KARS1: variants seen among roughly 807,000 people sequenced by gnomAD.
KARS1 encodes the protein lysine--tRNA ligase.
A neutral mutation model predicts 63.9 loss-of-function variants in KARS1; 50 were observed. The observed-to-expected ratio is 0.78, with a 90% confidence interval of 0.62 to 0.99. The LOEUF (loss-of-function observed/expected upper bound fraction) is 0.99, where lower values mean the gene tolerates loss of function less well. Ranked by LOEUF, KARS1 falls within the 50% of genes least tolerant of loss-of-function variation. The probability of loss-of-function intolerance (pLI) is 0.00; values close to 1 mark genes in which losing one functional copy is unlikely to be tolerated. For missense variants in KARS1, 816 were observed against 754.5 expected, an observed-to-expected ratio of 1.08 and a Z score of -0.95; for synonymous variants, 320 against 264.6, an observed-to-expected ratio of 1.21 and a Z score of -2.03.
chr16:75,634,018 G>C (rs940061566), intron 7 of KARS1, 155 bp downstream of exon 7: 2 of 805,828 alleles, frequency 2.5e-6, no homozygotes, highest in East Asian at 2.6e-5. Flanking sequence ...AGAAATTCTG[G>C]AAGTGTTACT....
chr16:75,641,325 A>C (rs1416746896), intron 2 of KARS1, among the ~76,000 whole-genome samples: 1 of 152,136 alleles, frequency 6.6e-6, no homozygotes, highest in Non-Finnish European at 1.5e-5. Flanking sequence ...AGGTCAAGCT[A>C]ATTCCAAGGA....
At position 75,641,718 on chromosome 16, in the gene KARS1, AGCTCACT is replaced by A; in HGVS notation, c.63-2_67del. On this transcript the variant is annotated splice_acceptor_variant and coding_sequence_variant, in exon 2 of 14. Coordinates refer to ENST00000302445, the MANE Select transcript of KARS1 (RefSeq NM_005548.3). LOFTEE classifies it high-confidence loss of function. ...CTTCTCAGCTTTCAGGCGTCTCTTCAGCTCACTGTTGGAAAGATGAAAGCGTTCAATG... is the reference window on the plus strand; with the variant it reads ...CTTCTCAGCTTTCAGGCGTCTCTTCAGTTGGAAAGATGAAAGCGTTCAATG... 1 of 1,613,754 alleles carries A rather than the reference AGCTCACT, an allele frequency of 6.2e-7. No homozygotes were observed. The highest frequency in any genetic ancestry group is 8.5e-7 in the Non-Finnish European group (1 of 1,180,016).
At chr16:75,644,100 C>G (rs1349651794) in intron 1 of KARS1, among the ~76,000 whole-genome samples, 1 of 152,204 alleles carries the variant, frequency 6.6e-6, no homozygotes, top group African/African-American at 2.4e-5. Flanking sequence ...TCTCAAGACT[C>G]TAAGGAGAGA....
intron 3 of KARS1, among the ~76,000 whole-genome samples, chr16:75,636,943 A>ATT (rs869266336): frequency 8.6e-6 from 1 of 116,060 alleles, no homozygotes; most frequent in Non-Finnish European, 1.7e-5. Context: ...CCCGGCCTGC[A>ATT]TTTTTTTTTT....
chr16:75,640,459 T>A, intron 2 of KARS1, 110 bp from the exon 3 acceptor site: 1 of 1,021,110 alleles, frequency 9.8e-7, no homozygotes, highest in Non-Finnish European at 1.5e-6. Flanking sequence ...CAATACATTG[T>A]TTTCTTTAAC....
chr16:75,631,687 A>G lies in KARS1; in HGVS notation c.1078+6T>C, dbSNP rs1445978443. 6.2e-7 allele frequency: 1 copy of G among 1,614,106 alleles called. No individual in the cohort carries two copies. The highest frequency in any genetic ancestry group is 8.5e-7 in the Non-Finnish European group (1 of 1,180,030). ...CCCGATGAGTATGAGAGAGAGCAGG[A>G]GTCACCTGAAACCATCTTCTCCGTG... On this transcript the variant is annotated splice_donor_region_variant and intron_variant, in intron 8 of 13. Coordinates refer to ENST00000302445, the MANE Select transcript of KARS1 (RefSeq NM_005548.3).
chr16:75,634,315 T>A, intron 6 of KARS1, 23 bp from the exon 7 acceptor site: 1 of 1,613,230 alleles, frequency 6.2e-7, no homozygotes, highest in Non-Finnish European at 8.5e-7. Flanking sequence ...GGGAGAAACA[T>A]CAGTCCTTAG....
rs773433097 is a variant in KARS1 at position 75,634,239 on chromosome 16, G to A, written c.849C>T (p.Phe283=). 16 of 1,614,008 alleles carry A rather than the reference G, an allele frequency of 9.9e-6. No homozygotes were observed. The South Asian group carries it at 1.2e-4, about 12-fold the overall frequency. The change falls in exon 7 of 14, where the codon TTC becomes TTT. Residue 283 remains phenylalanine, a synonymous_variant. Coordinates refer to ENST00000302445, the MANE Select transcript of KARS1 (RefSeq NM_005548.3). The part of the protein sequence containing the change: ...IIPGGAVAKP[F]ITYHNELDMN... ...TGTCCAGCTCGTTGTGATAAGTGATGAAAGGCTTGGCCACGGCTCCCCCTG... is the reference window on the plus strand; with the variant it reads ...TGTCCAGCTCGTTGTGATAAGTGATAAAAGGCTTGGCCACGGCTCCCCCTG...
At position 75,628,712 on chromosome 16, in the gene KARS1, C is replaced by T. The variant is rs1206470348; in HGVS notation, c.1552G>A (p.Ala518Thr). The change falls in exon 13 of 14, where the codon GCC (alanine) becomes ACC (threonine). Residue 518 changes from alanine (A) to threonine (T), a missense_variant and splice_region_variant. By Grantham distance (58) the Ala-to-Thr change is moderately conservative (BLOSUM62 0). Coordinates refer to ENST00000302445, the MANE Select transcript of KARS1 (RefSeq NM_005548.3). The part of the protein sequence containing the change: ...QRQLFEEQAK[A>T]KAAGDDEAMF... The stretch of plus-strand genomic sequence containing the variant: ...GCCTCATCATCACCTGCAGCCTTGG[C>T]CTAGAAGAGGAAAGAGAACCAAAAG... The T allele has an allele frequency of 4.3e-6, 7 of 1,614,032 alleles. No homozygotes were observed. The highest frequency in any genetic ancestry group is 1.1e-5 in the South Asian group (1 of 91,078).
intron 1 of KARS1, among the ~76,000 whole-genome samples, chr16:75,646,897 T>G (rs2233803): frequency 6.6e-6 from 1 of 152,052 alleles, no homozygotes; most frequent in Non-Finnish European, 1.5e-5. Flanking sequence ...GTGGTTCAAA[T>G]GGGGAACGCT....
At chr16:75,637,204 T>C (rs915763774) in intron 3 of KARS1, among the ~76,000 whole-genome samples, 2 of 151,762 alleles carry the variant, frequency 1.3e-5, no homozygotes, top group South Asian at 2.1e-4. Flanking sequence ...GAAAAATCCA[T>C]GGACAAAATT....
At chr16:75,637,209 A>G (rs563287602) in intron 3 of KARS1, among the ~76,000 whole-genome samples, 11 of 152,140 alleles carry the variant, frequency 7.2e-5, no homozygotes, top group Admixed American at 2.0e-4. Context: ...ATCCATGGAC[A>G]AAATTTACAA....
chr16:75,640,487 A>G, intron 2 of KARS1, 138 bp from the exon 3 acceptor site: 1 of 785,922 alleles, frequency 1.3e-6, no homozygotes, highest in East Asian at 2.5e-5. Context: ...TCTGCATTAC[A>G]GGATTGAATA....
rs772731525 is a variant in KARS1, at chr16:75,640,234, C to G, written c.338G>C (p.Ser113Thr). Residue 113 changes from serine (S) to threonine (T), a missense_variant, in exon 3 of 14, where the codon AGT becomes ACT. Physicochemically the swap from Ser to Thr is moderately conservative, Grantham distance 58. Transcript: ENST00000302445. ...ISLTDFIQKY[S>T]HLQPGDHLTD... The stretch of plus-strand genomic sequence containing the variant: ...CAGGTGATCCCCAGGCTGCAGGTGA[C>G]TATATTTTTGGATGAAGTCAGTGAG... 12 of 1,613,674 alleles carry G rather than the reference C, an allele frequency of 7.4e-6. No homozygotes were observed. The South Asian group carries it at 1.1e-4, about 15-fold the overall frequency.
In KARS1 at chr16:75,631,940, T is replaced by C. The variant is rs148298278; in HGVS notation, c.916-85A>G. The C allele has an allele frequency of 0.022, 33,632 of 1,510,804 alleles. 460 individuals are homozygous for C. The highest frequency in any genetic ancestry group is 0.029 in the Middle Eastern group (122 of 4,246). The allele number at this position is 1,510,804 out of a possible 1,614,324, so 93.6% of individuals were successfully genotyped here. A position where few individuals can be genotyped will look rare whatever the true frequency, so the allele number is the denominator to read the frequency against. ...TTTGCTCTTGTTGCCTAGGCTGGAGTGCAATGGCAAGATCTCAGCTCACCG... is the reference window on the plus strand; with the variant it reads ...TTTGCTCTTGTTGCCTAGGCTGGAGCGCAATGGCAAGATCTCAGCTCACCG... On this transcript the variant is annotated intron_variant, in intron 7 of 13. Transcript: ENST00000302445.
chr16:75,630,565 C>G (rs2082100739), intron 10 of KARS1, 57 bp from the exon 11 acceptor site: 2 of 1,076,804 alleles, frequency 1.9e-6, no homozygotes, highest in African/African-American at 3.1e-5. Context: ...TTTGATCGTC[C>G]CAGCCCAGAC....
intron 13 of KARS1, among the ~76,000 whole-genome samples, chr16:75,628,344 A>G (rs2082074043): frequency 6.6e-6 from 1 of 152,244 alleles, no homozygotes; most frequent in Non-Finnish European, 1.5e-5. Flanking sequence ...TGGATCCTCA[A>G]GAAATGCAAA....
intron 2 of KARS1, among the ~76,000 whole-genome samples, chr16:75,640,814 T>C (rs966944036): frequency 2.0e-5 from 3 of 152,250 alleles, no homozygotes; most frequent in Admixed American, 2.0e-4. Context: ...GCTTTTCTGA[T>C]GCAACTTCTC....
intron 1 of KARS1, among the ~76,000 whole-genome samples, chr16:75,643,693 G>C (rs973369754): frequency 1.3e-5 from 2 of 152,046 alleles, no homozygotes; most frequent in African/African-American, 4.8e-5. Flanking sequence ...CTTTCATCTT[G>C]TAAAAAAGAA....
Sources: gnomAD v4.1 joint callset for allele counts (sites outside exome capture counted in the v4.1 genomes callset) on GRCh38, gnomAD v4.1.1 for gene constraint, MANE v1.5 for transcripts, NCBI Gene and HGNC (gene_info 2026-07-23, HGNC 2026-07-21) for gene names.